Variants in GNA14 observed in about 807,000 individuals in gnomAD.
GNA14 encodes the protein G protein subunit alpha 14.
Under a neutral mutation model 42.0 loss-of-function variants are expected in GNA14, and 50 were observed. The observed-to-expected ratio is 1.19, with a 90% CI of 0.95 to 1.51. GNA14 has a LOEUF of 1.51. Among genes scored for constraint, GNA14 ranks in the 40% most tolerant of loss-of-function variants. The pLI is 0.00. For missense variants in GNA14, 473 were observed against 446.2 expected, an observed-to-expected ratio of 1.06 and a Z score of -0.54; for synonymous variants, 173 against 163.1, an observed-to-expected ratio of 1.06 and a Z score of -0.46.
chr9:77,529,980 T>C (rs1216426023), intron 1 of GNA14, among the ~76,000 whole-genome samples: 1 of 152,238 alleles, frequency 6.6e-6, no homozygotes, highest in Non-Finnish European at 1.5e-5. Flanking sequence ...ACAATTAAAA[T>C]ATTTGCTAAT....
chr9:77,499,767 T>C (rs570387916), intron 2 of GNA14, among the ~76,000 whole-genome samples: 8 of 152,056 alleles, frequency 5.3e-5, no homozygotes, highest in Admixed American at 1.3e-4. Flanking sequence ...GGAGAATCGC[T>C]AGAACCTGGA....
intron 2 of GNA14, among the ~76,000 whole-genome samples, chr9:77,512,507 A>T (rs1453247213): frequency 6.6e-6 from 1 of 152,210 alleles, no homozygotes; most frequent in African/African-American, 2.4e-5. Flanking sequence ...TTGAACAGAA[A>T]AATTAACAGG....
At chr9:77,601,283 A>G (rs1435766151) in intron 1 of GNA14, among the ~76,000 whole-genome samples, 1 of 152,230 alleles carries the variant, frequency 6.6e-6, no homozygotes, top group African/African-American at 2.4e-5. Flanking sequence ...TCGTGACACA[A>G]AAACCGAGAT....
intron 2 of GNA14, among the ~76,000 whole-genome samples, chr9:77,482,965 T>A (rs1836583782): frequency 6.6e-6 from 1 of 152,222 alleles, no homozygotes; most frequent in South Asian, 2.1e-4. Context: ...TCTAATTTTT[T>A]TTCAAAGTTT....
At chr9:77,643,094 TCTC>T (rs946950806) in intron 1 of GNA14, among the ~76,000 whole-genome samples, 17 of 152,326 alleles carry the variant, frequency 1.1e-4, no homozygotes, top group African/African-American at 3.6e-4. Flanking sequence ...GAACTGTCCT[TCTC>T]CAACTCAGCC....
At chr9:77,642,571 G>T (rs539535065) in intron 1 of GNA14, among the ~76,000 whole-genome samples, 186 of 152,170 alleles carry the variant, frequency 1.2e-3, no homozygotes, top group Non-Finnish European at 2.0e-3. Flanking sequence ...TTTGAGACCA[G>T]CCTGGCCAAC....
At chr9:77,531,665 T>C (rs1303014344) in intron 1 of GNA14, among the ~76,000 whole-genome samples, 1 of 152,186 alleles carries the variant, frequency 6.6e-6, no homozygotes, top group Non-Finnish European at 1.5e-5. Context: ...GGCTGTGGTT[T>C]TGGTCCTGAA....
intron 1 of GNA14, among the ~76,000 whole-genome samples, chr9:77,634,869 T>A (rs1184178361): frequency 6.6e-6 from 1 of 152,206 alleles, no homozygotes. Flanking sequence ...GGTTCAATAG[T>A]GAGCAGAGAT....
chr9:77,507,483 G>A (rs1447539233), intron 2 of GNA14, among the ~76,000 whole-genome samples: 2 of 152,150 alleles, frequency 1.3e-5, no homozygotes, highest in Non-Finnish European at 2.9e-5. Flanking sequence ...CCATGGCTGA[G>A]AAAATGTCAC....
intron 2 of GNA14, among the ~76,000 whole-genome samples, chr9:77,445,729 G>A (rs1205469900): frequency 4.6e-5 from 7 of 151,974 alleles, no homozygotes; most frequent in Admixed American, 2.0e-4. Flanking sequence ...GCAACAGCGA[G>A]ACCCCATCTT....
At chr9:77,510,524 T>C (rs1428261084) in intron 2 of GNA14, among the ~76,000 whole-genome samples, 2 of 152,134 alleles carry the variant, frequency 1.3e-5, no homozygotes, top group Non-Finnish European at 2.9e-5. Flanking sequence ...TTAGTAGAGA[T>C]GAGTTGCAGT....
intron 2 of GNA14, among the ~76,000 whole-genome samples, chr9:77,485,464 G>A (rs1053966799): frequency 6.6e-6 from 1 of 152,038 alleles, no homozygotes; most frequent in Non-Finnish European, 1.5e-5. Context: ...ATCAACTTAT[G>A]CCTAACACCT....
At chr9:77,571,123 C>A (rs1823052163) in intron 1 of GNA14, among the ~76,000 whole-genome samples, 1 of 151,370 alleles carries the variant, frequency 6.6e-6, no homozygotes, top group Non-Finnish European at 1.5e-5. Context: ...GCATTTAAAC[C>A]TGAGTCAGTT....
At chr9:77,562,166 T>C (rs1268117805) in intron 1 of GNA14, among the ~76,000 whole-genome samples, 1 of 152,220 alleles carries the variant, frequency 6.6e-6, no homozygotes, top group Non-Finnish European at 1.5e-5. Flanking sequence ...CCTTCTCTCA[T>C]GGAAATTATA....
At chr9:77,618,658 G>T (rs1329940950) in intron 1 of GNA14, among the ~76,000 whole-genome samples, 5 of 72,368 alleles carry the variant, frequency 6.9e-5, no homozygotes, top group Admixed American at 2.0e-4. Context: ...TTTTGAGACG[G>T]AGTCTCGCTC....
intron 2 of GNA14, among the ~76,000 whole-genome samples, chr9:77,493,046 T>TATATATATATATATATATA (rs1564030867): frequency 1.3e-4 from 18 of 136,548 alleles, no homozygotes; most frequent in Non-Finnish European, 2.2e-4. Flanking sequence ...TATATATATA[T>TATATATATATATATATATA]TTGGGAGATG....
At chr9:77,491,382 G>C (rs1219367028) in intron 2 of GNA14, among the ~76,000 whole-genome samples, 1 of 152,090 alleles carries the variant, frequency 6.6e-6, no homozygotes, top group Non-Finnish European at 1.5e-5. Context: ...AATGGATAAA[G>C]AAACAAAACC....
chr9:77,624,264 C>A (rs1823979279), intron 1 of GNA14, among the ~76,000 whole-genome samples: 1 of 152,230 alleles, frequency 6.6e-6, no homozygotes, highest in African/African-American at 2.4e-5. Flanking sequence ...AAGGCAGAAG[C>A]ACCAGTCAGG....
chr9:77,635,808 A>G (rs1406132433), intron 1 of GNA14, among the ~76,000 whole-genome samples: 2 of 152,082 alleles, frequency 1.3e-5, no homozygotes, highest in South Asian at 2.1e-4. Context: ...ATTAGCTACT[A>G]ATCACCTGGC....
Sources: allele counts gnomAD v4.1 joint callset (sites outside exome capture counted in the v4.1 genomes callset), GRCh38; gene constraint gnomAD v4.1.1; transcripts MANE v1.5; gene names NCBI Gene and HGNC (gene_info 2026-07-23, HGNC 2026-07-21).